SLC5A11: variants seen among roughly 807,000 people sequenced by gnomAD.
The protein encoded by SLC5A11 is solute carrier family 5 member 11, also known as sodium/myo-inositol cotransporter 2.
A neutral mutation model predicts 69.8 loss-of-function variants in SLC5A11; 48 were observed. The ratio of observed to expected loss-of-function variants is 0.69; its 90% CI spans 0.55 to 0.87. SLC5A11 has a LOEUF of 0.87. Among genes scored for constraint, SLC5A11 ranks in the 40% least tolerant of loss-of-function variants. The pLI, the probability that SLC5A11 is intolerant of heterozygous loss-of-function variation, is 0.00. For missense variants in SLC5A11, 784 were observed against 866.1 expected, an observed-to-expected ratio of 0.91 and a Z score of 1.19; for synonymous variants, 319 against 342.4, an observed-to-expected ratio of 0.93 and a Z score of 0.75.
intron 14 of SLC5A11, among the ~76,000 whole-genome samples, chr16:24,909,311 A>G (rs1178510114): frequency 6.6e-6 from 1 of 152,172 alleles, no homozygotes; most frequent in Non-Finnish European, 1.5e-5. Flanking sequence ...GGAGCCCAGT[A>G]TCTTCTAGAG....
At chr16:24,870,894 C>T (rs937098448) in intron 4 of SLC5A11, among the ~76,000 whole-genome samples, 2 of 150,748 alleles carry the variant, frequency 1.3e-5, no homozygotes, top group Admixed American at 6.6e-5. Flanking sequence ...GTACTTTAGA[C>T]GTCAATCGGC....
chr16:24,889,733 A>G (rs997263848), intron 8 of SLC5A11, among the ~76,000 whole-genome samples: 1 of 151,676 alleles, frequency 6.6e-6, no homozygotes, highest in Non-Finnish European at 1.5e-5. Context: ...TTTTTAGTAG[A>G]GACAGGGTTT....
intron 15 of SLC5A11, 122 bp from the exon 17 acceptor site, chr16:24,911,206 T>C (rs921498863): frequency 2.8e-5 from 21 of 744,120 alleles, no homozygotes; most frequent in Non-Finnish European, 4.7e-5. Flanking sequence ...CAGTCGGGCA[T>C]AGTGGATGGT....
chr16:24,866,998 T>C (rs2046961812), intron 3 of SLC5A11, among the ~76,000 whole-genome samples: 2 of 152,052 alleles, frequency 1.3e-5, no homozygotes, highest in South Asian at 4.1e-4. Context: ...AACAAGAAAA[T>C]AGAAGACATG....
chr16:24,876,875 G>A (rs1342990302), intron 6 of SLC5A11: 1 of 157,804 alleles, frequency 6.3e-6, no homozygotes, highest in Non-Finnish European at 1.4e-5. Flanking sequence ...CTGGGAGTAC[G>A]AAGTGAGTAT....
chr16:24,859,552 A>T (rs938496283), intron 2 of SLC5A11, among the ~76,000 whole-genome samples: 1 of 152,196 alleles, frequency 6.6e-6, no homozygotes, highest in Non-Finnish European at 1.5e-5. Context: ...GGTAACCAAT[A>T]TTATTAGCTT....
At chr16:24,886,036 CTT>C (rs35828435) in intron 8 of SLC5A11, among the ~76,000 whole-genome samples, 128 of 138,972 alleles carry the variant, frequency 9.2e-4, no homozygotes, top group South Asian at 1.6e-3. Flanking sequence ...AATAGGAGTT[CTT>C]TTTTTTTTTT....
intron 4 of SLC5A11, among the ~76,000 whole-genome samples, chr16:24,870,781 C>CAA (rs57742222): frequency 0.043 from 2,809 of 65,832 alleles, 154 homozygotes; most frequent in South Asian, 0.092. Flanking sequence ...CTCTGTCTCA[C>CAA]AAAAAAAAAA....
At chr16:24,887,634 T>G (rs887966551) in intron 8 of SLC5A11, among the ~76,000 whole-genome samples, 5 of 152,120 alleles carry the variant, frequency 3.3e-5, no homozygotes, top group Admixed American at 3.3e-4. Flanking sequence ...AAAATATCAG[T>G]TATTACAATA....
chr16:24,869,396 A>C (rs190114096), intron 3 of SLC5A11, among the ~76,000 whole-genome samples: 249 of 152,306 alleles, frequency 1.6e-3, no homozygotes, highest in South Asian at 5.0e-3. Flanking sequence ...AGGCCTGTCC[A>C]GCCCAATCAG....
chr16:24,871,553 G>A (rs563895175), intron 4 of SLC5A11, among the ~76,000 whole-genome samples: 3 of 152,190 alleles, frequency 2.0e-5, no homozygotes, highest in South Asian at 2.1e-4. Context: ...GATTACAGGC[G>A]TGACTCACCG....
intron 10 of SLC5A11, among the ~76,000 whole-genome samples, chr16:24,902,689 G>A (rs972002507): frequency 2.0e-5 from 3 of 151,922 alleles, no homozygotes; most frequent in East Asian, 1.9e-4. Context: ...ACAGGCATGC[G>A]CCACCAACCC....
At chr16:24,892,529 G>C (rs987536529) in intron 9 of SLC5A11, among the ~76,000 whole-genome samples, 1 of 151,528 alleles carries the variant, frequency 6.6e-6, no homozygotes, top group African/African-American at 2.4e-5. Flanking sequence ...ACAAAACTAA[G>C]AAGAGTGGAT....
chr16:24,874,183 G>T (rs11644447), intron 5 of SLC5A11, among the ~76,000 whole-genome samples: 1 of 151,848 alleles, frequency 6.6e-6, no homozygotes, highest in African/African-American at 2.4e-5. Context: ...ATTGCTATGC[G>T]GTATCGTGTA....
intron 3 of SLC5A11, among the ~76,000 whole-genome samples, chr16:24,866,722 A>T (rs10468238): frequency 0.12 from 18,762 of 152,224 alleles, 1,365 homozygotes; most frequent in South Asian, 0.15. Context: ...AGAAAAAAGC[A>T]GGAGTGGCTA....
At chr16:24,855,176 G>T (rs534948046) in intron 1 of SLC5A11, among the ~76,000 whole-genome samples, 1 of 152,158 alleles carries the variant, frequency 6.6e-6, no homozygotes, top group East Asian at 1.9e-4. Flanking sequence ...ATCTGATTGT[G>T]CATGTCCCTC....
At chr16:24,874,823 C>A (rs902955233) in intron 5 of SLC5A11, among the ~76,000 whole-genome samples, 2 of 152,090 alleles carry the variant, frequency 1.3e-5, no homozygotes, top group African/African-American at 2.4e-5. Flanking sequence ...CTCAGATGAT[C>A]CTCCCACCTC....
intron 5 of SLC5A11, among the ~76,000 whole-genome samples, chr16:24,875,112 T>C (rs2047582191): frequency 6.6e-6 from 1 of 151,178 alleles, no homozygotes; most frequent in Non-Finnish European, 1.5e-5. Flanking sequence ...GTGCTAGGAT[T>C]ACAGGTGTAA....
exon 9 of SLC5A11, chr16:24,890,913 T>C (rs2152370257): frequency 6.2e-7 from 1 of 1,614,190 alleles, no homozygotes; most frequent in Non-Finnish European, 8.5e-7. Context: ...GGAGAAGTAC[T>C]TCTTGGCCCT....
Sources: gnomAD v4.1 joint callset for allele counts (sites outside exome capture counted in the v4.1 genomes callset) on GRCh38, gnomAD v4.1.1 for gene constraint, MANE v1.5 for transcripts, NCBI Gene and HGNC (gene_info 2026-07-23, HGNC 2026-07-21) for gene names.